UQCR11: variants seen among roughly 807,000 people sequenced by gnomAD.
UQCR11 encodes the protein ubiquinol-cytochrome c reductase, complex III subunit XI, also known as cytochrome b-c1 complex subunit 10.
UQCR11 carries 10 observed loss-of-function variants against 7.6 expected under a neutral mutation model. That is an observed-to-expected ratio of 1.31 (90% CI 0.81 to 2.22). UQCR11 has a LOEUF of 2.22. Among genes scored for constraint, UQCR11 ranks in the 30% most tolerant of loss-of-function variants. The probability of loss-of-function intolerance (pLI) is 0.00; values close to 1 mark genes in which losing one functional copy is unlikely to be tolerated. For synonymous variants in UQCR11, 34 were observed against 34.9 expected (o/e 0.97, Z 0.09); for missense variants, 86 against 75.1 (o/e 1.15, Z -0.54).
In UQCR11 at chr19:1,605,374, C is replaced by T. The variant is rs564592306; in HGVS notation, c.36G>A (p.Glu12=). ...VTRFLGPRYR[E]LVKNWVPTAY... ...GGCGTCCTCACCAGTTCTTGACCAG[C>T]TCCCGGTAGCGTGGGCCCAGGAACC... The change falls in exon 1 of 3, where the codon GAG becomes GAA. Residue 12 remains glutamate, a synonymous_variant. Coordinates refer to ENST00000591899, the MANE Select transcript of UQCR11 (RefSeq NM_006830.4). 6.3e-7 allele frequency: 1 copy of T among 1,580,352 alleles called. No homozygotes were observed. Among genetic ancestry groups the T allele is most frequent in the South Asian group, 1.1e-5 (1 of 87,306 alleles).
chr19:1,601,163 C>T (rs998924585), intron 1 of UQCR11, among the ~76,000 whole-genome samples: 3 of 151,764 alleles, frequency 2.0e-5, no homozygotes, highest in African/African-American at 4.8e-5. Context: ...AGTGAGACTC[C>T]GTCTCAAAAA....
At chr19:1,602,039 G>T (rs778470918) in intron 1 of UQCR11, 3 of 152,234 alleles carry the variant, frequency 2.0e-5, no homozygotes, top group African/African-American at 7.2e-5. Flanking sequence ...GTGCGCACCT[G>T]TAGTCCCAGC....
rs570409881 is a variant in UQCR11 at position 1,604,258 on chromosome 19, T to C, written c.50+1102A>G. 1.3e-4 allele frequency among the ~76,000 whole-genome samples: 20 copies of C among 152,218 alleles called. 1 individual carries two copies. Among genetic ancestry groups the C allele is most frequent in the African/African-American group, 4.8e-4 (20 of 41,532 alleles). The stretch of plus-strand genomic sequence containing the variant: ...CTGCGCCCAGCAGCTCTAAATTTTT[T>C]TGTAGAGATAAGGTCTTGCTGTGTT... On this transcript the variant is annotated intron_variant, in intron 1 of 2. Coordinates refer to ENST00000591899, the MANE Select transcript of UQCR11 (RefSeq NM_006830.4).
intron 2 of UQCR11, among the ~76,000 whole-genome samples, chr19:1,598,697 G>A (rs1018703430): frequency 6.6e-6 from 1 of 152,242 alleles, no homozygotes; most frequent in Non-Finnish European, 1.5e-5. Context: ...GCAACAGAGC[G>A]AGACTCCGTC....
At chr19:1,599,225 G>T in intron 2 of UQCR11, 187 bp downstream of exon 2, 2 of 676,632 alleles carry the variant, frequency 3.0e-6, no homozygotes, top group Non-Finnish European at 4.8e-6. Flanking sequence ...AGGCTGCGGG[G>T]CGGACAGTTC....
chr19:1,602,099 T>C (rs1202180405), intron 1 of UQCR11: 2 of 152,078 alleles, frequency 1.3e-5, no homozygotes, highest in Non-Finnish European at 2.9e-5. Context: ...TAGGTCGAGG[T>C]TGCAGTGAGC....
chr19:1,603,467 T>C (rs2060752958), intron 1 of UQCR11, among the ~76,000 whole-genome samples: 2 of 151,760 alleles, frequency 1.3e-5, no homozygotes, highest in South Asian at 2.1e-4. Context: ...TAGCCGGGCG[T>C]GGTGGCGGGC....
chr19:1,601,197 C>T (rs1271022719), intron 1 of UQCR11, among the ~76,000 whole-genome samples: 1 of 152,138 alleles, frequency 6.6e-6, no homozygotes, highest in Non-Finnish European at 1.5e-5. Flanking sequence ...GGCTTCCATC[C>T]TGGGCACCTT....
At chr19:1,604,989 C>G (rs1298100097) in intron 1 of UQCR11, among the ~76,000 whole-genome samples, 3 of 152,256 alleles carry the variant, frequency 2.0e-5, no homozygotes, top group African/African-American at 7.2e-5. Context: ...TCATAAAAAC[C>G]AAAATAGTGG....
rs375379662 is a variant in UQCR11, at chr19:1,603,667, A to G, written c.50+1693T>C. ...TTGCTGTTGGATGAAAGCACGGATG[A>G]CGGGTGGTCCCCGCTGTGACTGAAC... is the stretch of plus-strand genomic sequence containing the variant. On this transcript the variant is annotated intron_variant, in intron 1 of 2. Transcript: ENST00000591899. 3.9e-5 allele frequency among the ~76,000 whole-genome samples: 6 copies of G among 152,288 alleles called. No individual in the cohort carries two copies. In the South Asian group the frequency reaches 1.2e-3, roughly 32 times the overall value.
chr19:1,605,451 C>G lies in UQCR11; in HGVS notation c.-42G>C, dbSNP rs1429279590. Reference sequence around the variant, plus strand: ...CCTCAGGATGACCCTGTCCAGCTGACCCGGCTACACTGCGCAGGCGCGGCC... The same window carrying G: ...CCTCAGGATGACCCTGTCCAGCTGAGCCGGCTACACTGCGCAGGCGCGGCC... On this transcript the variant is annotated 5_prime_UTR_variant, in exon 1 of 3. Transcript: ENST00000591899. 1 of 1,466,178 alleles carries G rather than the reference C, an allele frequency of 6.8e-7. No homozygotes were observed. 90.8% of individuals were successfully genotyped at this position (1,466,178 alleles called of 1,614,324 possible).
rs547174800 is a variant in UQCR11 at position 1,599,393 on chromosome 19, G to A, written c.*28+19C>T. The A allele has an allele frequency of 1.1e-5, 17 of 1,608,142 alleles. No individual in the cohort carries two copies. In the Admixed American group the frequency reaches 1.5e-4, roughly 14 times the overall value. ...CCGGCCATCATGCAGTCCACCCACC[G>A]CAGCCCACTGAAACTTACCAGAGCA... On this transcript the variant is annotated intron_variant, in intron 2 of 2. Coordinates refer to ENST00000591899, the MANE Select transcript of UQCR11 (RefSeq NM_006830.4).
At chr19:1,604,143 C>G (rs1451325163) in intron 1 of UQCR11, among the ~76,000 whole-genome samples, 2 of 152,118 alleles carry the variant, frequency 1.3e-5, no homozygotes, top group Non-Finnish European at 2.9e-5. Flanking sequence ...CGGGGTTTCT[C>G]CATGTTGGTC....
chr19:1,599,414 G>A lies in UQCR11; in HGVS notation c.*26C>T. The A allele has an allele frequency of 6.2e-7, 1 of 1,612,736 alleles. No homozygotes were observed. Among genetic ancestry groups the A allele is most frequent in the Non-Finnish European group, 8.5e-7 (1 of 1,179,680 alleles). On this transcript the variant is annotated splice_region_variant and 3_prime_UTR_variant, in exon 2 of 3. Transcript: ENST00000591899. ...CACCGCAGCCCACTGAAACTTACCA[G>A]AGCAGTCTGTGAAGGGTTTGTGTAA...
intron 1 of UQCR11, among the ~76,000 whole-genome samples, chr19:1,603,215 G>C (rs1385489359): frequency 1.3e-5 from 2 of 152,152 alleles, no homozygotes; most frequent in Non-Finnish European, 2.9e-5. Flanking sequence ...CCACACCACA[G>C]GTCTCGTTTC....
At chr19:1,603,768 C>G (rs72989720) in intron 1 of UQCR11, among the ~76,000 whole-genome samples, 6,555 of 152,250 alleles carry the variant, frequency 0.043, 228 homozygotes, top group Non-Finnish European at 0.065. Flanking sequence ...CAGCTAGGAG[C>G]AGGCTTCCTC....
chr19:1,599,832 G>A (rs2060742010), intron 1 of UQCR11, among the ~76,000 whole-genome samples: 1 of 152,250 alleles, frequency 6.6e-6, no homozygotes, highest in Non-Finnish European at 1.5e-5. Flanking sequence ...GTAGGTGTTT[G>A]TAAGTTTGCA....
chr19:1,600,815 G>A (rs995376360), intron 1 of UQCR11, among the ~76,000 whole-genome samples: 2 of 152,084 alleles, frequency 1.3e-5, no homozygotes, highest in African/African-American at 4.8e-5. Flanking sequence ...CAGAGGCTGT[G>A]GCTACACCAA....
At position 1,605,383 on chromosome 19, in the gene UQCR11, G is replaced by T. The variant is rs561441837; in HGVS notation, c.27C>A (p.Arg9=). The stretch of plus-strand genomic sequence containing the variant: ...ACCAGTTCTTGACCAGCTCCCGGTA[G>T]CGTGGGCCCAGGAACCGGGTCACCA... MVTRFLGP[R]YRELVKNWVP... is the part of the protein sequence containing the mutation. Residue 9 remains arginine, a synonymous_variant, in exon 1 of 3, where the codon CGC becomes CGA. Coordinates refer to ENST00000591899, the MANE Select transcript of UQCR11 (RefSeq NM_006830.4). The T allele has an allele frequency of 6.3e-7, 1 of 1,578,516 alleles. No individual in the cohort carries two copies. Among genetic ancestry groups the T allele is most frequent in the South Asian group, 1.1e-5 (1 of 87,110 alleles).
Sources: gnomAD v4.1 joint callset for allele counts (sites outside exome capture counted in the v4.1 genomes callset) on GRCh38, gnomAD v4.1.1 for gene constraint, MANE v1.5 for transcripts, NCBI Gene and HGNC (gene_info 2026-07-23, HGNC 2026-07-21) for gene names.